The following ADGRG1 variants were observed in gnomAD, a reference collection of about 807,000 sequenced individuals.
ADGRG1 encodes the protein 7-transmembrane protein with no EGF-like N-terminal domains-1.
In ADGRG1, 53 loss-of-function variants were observed where a neutral mutation model predicts 73.5. The observed-to-expected ratio is 0.72, with a 90% confidence interval of 0.58 to 0.91. The LOEUF (loss-of-function observed/expected upper bound fraction) is 0.91, where lower values mean the gene tolerates loss of function less well. Ranked by LOEUF, ADGRG1 falls within the 40% of genes least tolerant of loss-of-function variation. ADGRG1 has a pLI of 0.00. For missense variants in ADGRG1, 795 were observed against 871.8 expected (o/e 0.91, Z 1.11); for synonymous variants, 394 against 374.4 (o/e 1.05, Z -0.60).
chr16:57,644,995 CAT>C (rs1476739637), intron 1 of ADGRG1: 22 of 856,000 alleles, frequency 2.6e-5, no homozygotes, highest in East Asian at 2.5e-4. Context: ...TGCACACACA[CAT>C]GCACACTCAT....
At chr16:57,661,501 C>T in intron 12 of ADGRG1, 196 bp from the exon 13 acceptor site, 2 of 981,178 alleles carry the variant, frequency 2.0e-6, no homozygotes, top group Non-Finnish European at 2.4e-6. Context: ...TATATTATTA[C>T]TTACTTAACA....
intron 1 of ADGRG1, chr16:57,645,287 G>A: frequency 1.0e-6 from 1 of 985,444 alleles, no homozygotes; most frequent in Non-Finnish European, 1.2e-6. Context: ...TAAGGGGAAG[G>A]CCTCCAGGTG....
intron 1 of ADGRG1, chr16:57,635,400 T>C: frequency 2.0e-6 from 2 of 985,122 alleles, no homozygotes; most frequent in Non-Finnish European, 2.4e-6. Context: ...CCTGGCACCT[T>C]AAGTGGAGGT....
chr16:57,623,602 C>T (rs778466616), upstream of ADGRG1, among the ~76,000 whole-genome samples: 6 of 152,250 alleles, frequency 3.9e-5, no homozygotes, highest in South Asian at 4.1e-4. Flanking sequence ...TTGCTTCCCC[C>T]GCATCTTGGC....
intron 1 of ADGRG1, chr16:57,644,076 A>AC (rs1352078315): frequency 8.1e-5 from 80 of 985,204 alleles, no homozygotes; most frequent in Non-Finnish European, 9.5e-5. Flanking sequence ...TGGAGGAAAC[A>AC]CCTGCAAGAG....
In ADGRG1 at chr16:57,650,276, C is replaced by A. The variant is rs202128979; in HGVS notation, c.-12C>A. 9.9e-6 allele frequency: 16 copies of A among 1,612,164 alleles called. No individual in the cohort carries two copies. The South Asian group carries it at 1.6e-4, about 17-fold the overall frequency. On this transcript the variant is annotated 5_prime_UTR_variant, in exon 2 of 14. Transcript: ENST00000562631. ...AGGTGGTGACTTCCAAGAGTGACTC[C>A]GTCGGAGGAAAATGACTCCCCAGTC... is the stretch of plus-strand genomic sequence containing the variant.
chr16:57,659,324 C>T (rs1427059663), intron 10 of ADGRG1, 89 bp from the exon 11 acceptor site: 17 of 1,602,534 alleles, frequency 1.1e-5, no homozygotes, highest in Non-Finnish European at 1.4e-5. Flanking sequence ...GGGTGGGGGG[C>T]AGTCTGGGAA....
chr16:57,653,176 G>A (rs776104431), intron 3 of ADGRG1, 27 bp from the exon 4 acceptor site: 1 of 1,603,688 alleles, frequency 6.2e-7, no homozygotes, highest in Non-Finnish European at 8.5e-7. Flanking sequence ...GGCAGCCTCG[G>A]CGGGGGCCTG....
rs370663242 is a variant in ADGRG1, at chr16:57,649,784, C to CT, written c.-35-458dup. 1.3e-3 allele frequency among the ~76,000 whole-genome samples: 197 copies of CT among 146,648 alleles called. 1 individual carries two copies. The highest frequency in any genetic ancestry group is 7.1e-3 in the Middle Eastern group (2 of 282). On this transcript the variant is annotated intron_variant, in intron 1 of 13. Coordinates refer to ENST00000562631, the MANE Select transcript of ADGRG1 (RefSeq NM_201525.4). ...GGACTCTGGACAGCCACTCCCCCGC[C>CT]TTTTTTTTTTTAAAGCAGGGTCTCA...
In ADGRG1 at chr16:57,659,517, GCT is replaced by G; in HGVS notation, c.1394_1395del (p.Ser465Ter). On this transcript the variant is annotated frameshift_variant, in exon 11 of 14. Transcript: ENST00000562631. LOFTEE classifies it high-confidence loss of function. Reference sequence around the variant, plus strand: ...CTCAGCGAGCCGGTGGCCCTGACAGGCTCTGAGGCTGGCTGCCGAGCCAGTGC... The same window carrying G: ...CTCAGCGAGCCGGTGGCCCTGACAGGCTGAGGCTGGCTGCCGAGCCAGTGC... 6.2e-7 allele frequency: 1 copy of G among 1,614,046 alleles called. No individual in the cohort carries two copies. The highest frequency in any genetic ancestry group is 8.5e-7 in the Non-Finnish European group (1 of 1,180,006).
chr16:57,624,710 C>T, upstream of ADGRG1: 1 of 984,734 alleles, frequency 1.0e-6, no homozygotes, highest in Non-Finnish European at 1.2e-6. Flanking sequence ...GCCTCAGTCA[C>T]AGCAGACAAT....
intron 1 of ADGRG1, chr16:57,645,451 G>C: frequency 2.1e-6 from 1 of 481,464 alleles, no homozygotes; most frequent in East Asian, 1.5e-4. Flanking sequence ...TAAATGCTGG[G>C]GGAGCCACAG....
chr16:57,622,438 A>G (rs1162044828), intron 2 of ADGRG1, among the ~76,000 whole-genome samples: 1 of 152,102 alleles, frequency 6.6e-6, no homozygotes, highest in African/African-American at 2.4e-5. Context: ...CAGGAGCCAC[A>G]CTCGGAGGAG....
At position 57,653,200 on chromosome 16, in the gene ADGRG1, C is replaced by T. The variant is rs756964363; in HGVS notation, c.488-3C>T. 4.8e-5 allele frequency: 77 copies of T among 1,607,928 alleles called. No homozygotes were observed. The highest frequency in any genetic ancestry group is 5.8e-5 in the Non-Finnish European group (69 of 1,179,898). ...GGCGGGGGCCTGTCCACCCCTCCCC[C>T]AGGTCCTCCCCACACGGCCGCTCAC... On this transcript the variant is annotated splice_polypyrimidine_tract_variant and splice_region_variant and intron_variant, in intron 3 of 13. Transcript: ENST00000562631.
At chr16:57,644,345 T>C (rs1325771241) in intron 1 of ADGRG1, 8 of 267,218 alleles carry the variant, frequency 3.0e-5, no homozygotes, top group Non-Finnish European at 4.5e-5. Flanking sequence ...GCACACACAC[T>C]GATCACACAC....
In ADGRG1 at chr16:57,644,525, TCA is replaced by T. The variant is rs1251067317; in HGVS notation, c.-35-5721_-35-5720del. Among the ~76,000 whole-genome samples the T allele has an allele frequency of 6.5e-5, 8 of 123,698 alleles. No homozygotes were observed. The South Asian group carries it at 8.1e-4, about 13-fold the overall frequency. 81.2% of individuals were successfully genotyped at this position (123,698 alleles called of 152,430 possible). On this transcript the variant is annotated intron_variant, in intron 1 of 13. Coordinates refer to ENST00000562631, the MANE Select transcript of ADGRG1 (RefSeq NM_201525.4). ...ACTCATGCATGGGCACACACACTCA[TCA>T]CACACATGCGCAGGCACACACATGC...
At chr16:57,650,701 A>G (rs1367141964) in intron 2 of ADGRG1, among the ~76,000 whole-genome samples, 3 of 137,630 alleles carry the variant, frequency 2.2e-5, no homozygotes, top group Admixed American at 7.5e-5. Context: ...ATTCGTTTTC[A>G]GTTTCCTCTT....
At chr16:57,631,974 G>T (rs1454420666) in intron 1 of ADGRG1, 1 of 985,150 alleles carries the variant, frequency 1.0e-6, no homozygotes, top group African/African-American at 1.7e-5. Flanking sequence ...CTGGCAGGAG[G>T]TCAGCTAAGC....
At chr16:57,637,690 TAGC>T in intron 1 of ADGRG1, 1 of 985,370 alleles carries the variant, frequency 1.0e-6, no homozygotes, top group Non-Finnish European at 1.2e-6. Flanking sequence ...AGTGAGACAA[TAGC>T]AGCCTCCTGA....
Sources: gnomAD v4.1 joint callset for allele counts (sites outside exome capture counted in the v4.1 genomes callset) on GRCh38, gnomAD v4.1.1 for gene constraint, MANE v1.5 for transcripts, NCBI Gene and HGNC (gene_info 2026-07-23, HGNC 2026-07-21) for gene names.